The following TRHR variants were observed in gnomAD, a reference collection of about 807,000 sequenced individuals.
TRHR encodes the protein thyrotropin-releasing hormone receptor.
In TRHR, 14 loss-of-function variants were observed where a neutral mutation model predicts 28.0. The ratio of observed to expected loss-of-function variants is 0.50; its 90% CI spans 0.33 to 0.78. The LOEUF is 0.78. TRHR is among the 30% of genes least tolerant of loss of function. The pLI is 0.02. For synonymous variants in TRHR, 176 were observed against 171.9 expected (o/e 1.02, Z -0.18); for missense variants, 438 against 469.5 (o/e 0.93, Z 0.62).
At chr8:109,088,594 C>T (rs1294496917) in intron 2 of TRHR, among the ~76,000 whole-genome samples, 1 of 152,066 alleles carries the variant, frequency 6.6e-6, no homozygotes, top group Non-Finnish European at 1.5e-5. Context: ...ATGTTTATGC[C>T]TCTCTGGAAA....
At chr8:109,107,606 G>T (rs1260921751) in intron 2 of TRHR, among the ~76,000 whole-genome samples, 1 of 152,188 alleles carries the variant, frequency 6.6e-6, no homozygotes, top group Non-Finnish European at 1.5e-5. Context: ...AGCATGGTTT[G>T]TAGGCTCAAA....
At chr8:109,115,103 G>A (rs925573172) in intron 2 of TRHR, among the ~76,000 whole-genome samples, 6 of 151,940 alleles carry the variant, frequency 3.9e-5, no homozygotes, top group South Asian at 2.1e-4. Flanking sequence ...CACCCTATAC[G>A]CTACTCTGAT....
In TRHR at chr8:109,087,889, C is replaced by T. The variant is rs1811462063; in HGVS notation, c.377C>T (p.Ala126Val). ...ITAFTIERYI[A>V]ICHPIKAQFL... ...GCCTTTACCATTGAGAGGTACATAG[C>T]AATCTGTCACCCCATCAAAGCCCAG... Residue 126 changes from alanine (A) to valine (V), a missense_variant, in exon 2 of 3, where the codon GCA becomes GTA. Physicochemically the swap from Ala to Val is moderately conservative, Grantham distance 64. Coordinates refer to ENST00000518632, the MANE Select transcript of TRHR (RefSeq NM_003301.7). The T allele has an allele frequency of 6.2e-7, 1 of 1,614,214 alleles. No homozygotes were observed. The highest frequency in any genetic ancestry group is 2.2e-5 in the East Asian group (1 of 44,890).
intron 2 of TRHR, among the ~76,000 whole-genome samples, chr8:109,098,247 A>G (rs1340680753): frequency 4.0e-5 from 6 of 151,616 alleles, no homozygotes; most frequent in African/African-American, 1.5e-4. Flanking sequence ...CTCCCATGTC[A>G]GTCTCCTGAA....
In TRHR at chr8:109,119,581, C is replaced by G. The variant is rs1811975680; in HGVS notation, c.*126C>G. 5 of 1,146,452 alleles carry G rather than the reference C, an allele frequency of 4.4e-6. No homozygotes were observed. In the South Asian group the frequency reaches 7.0e-5, roughly 16 times the overall value. 71.0% of individuals were successfully genotyped at this position (1,146,452 alleles called of 1,614,324 possible). ...AGATCAGTCTTTGTCAATGCTCTAA[C>G]AAATTCTGGCCCTAGATACTTTAAC... On this transcript the variant is annotated 3_prime_UTR_variant, in exon 3 of 3. Coordinates refer to ENST00000518632, the MANE Select transcript of TRHR (RefSeq NM_003301.7).
chr8:109,094,045 A>G (rs1811552475), intron 2 of TRHR, among the ~76,000 whole-genome samples: 1 of 152,066 alleles, frequency 6.6e-6, no homozygotes, highest in South Asian at 2.1e-4. Context: ...AAAATCTCAT[A>G]AATTGTAAAC....
At chr8:109,091,774 GTAAGA>G (rs1451279580) in intron 2 of TRHR, among the ~76,000 whole-genome samples, 2 of 152,110 alleles carry the variant, frequency 1.3e-5, no homozygotes, top group Non-Finnish European at 2.9e-5. Context: ...GGTAAATTCC[GTAAGA>G]TAAATTACCC....
chr8:109,117,061 GAC>G (rs1386621229), intron 2 of TRHR, among the ~76,000 whole-genome samples: 1 of 151,978 alleles, frequency 6.6e-6, no homozygotes, highest in Non-Finnish European at 1.5e-5. Context: ...CATTTTACCT[GAC>G]AGTTGTAGGG....
chr8:109,098,673 G>T (rs1162713130), intron 2 of TRHR, among the ~76,000 whole-genome samples: 1 of 151,988 alleles, frequency 6.6e-6, no homozygotes, highest in Non-Finnish European at 1.5e-5. Flanking sequence ...CCTCATACAG[G>T]CAATTTCTGT....
chr8:109,103,416 T>C (rs1273718967), intron 2 of TRHR, among the ~76,000 whole-genome samples: 1 of 152,194 alleles, frequency 6.6e-6, no homozygotes, highest in Admixed American at 6.6e-5. Flanking sequence ...GCTACTGCCT[T>C]GACCTCAAAG....
rs530110720 is a variant in TRHR at position 109,112,680 on chromosome 8, A to C, written c.790-6368A>C. ...TCTGGCAACAATATTATGTCTTTCA[A>C]ATAGTTCATAAGCAATATTTACAGT... On this transcript the variant is annotated intron_variant, in intron 2 of 2. Coordinates refer to ENST00000518632, the MANE Select transcript of TRHR (RefSeq NM_003301.7). Among the ~76,000 whole-genome samples the C allele has an allele frequency of 2.0e-5, 3 of 152,138 alleles. No individual in the cohort carries two copies. In the South Asian group the frequency reaches 6.2e-4, roughly 31 times the overall value.
At chr8:109,095,500 G>A (rs1303290878) in intron 2 of TRHR, among the ~76,000 whole-genome samples, 2 of 152,226 alleles carry the variant, frequency 1.3e-5, no homozygotes, top group Middle Eastern at 3.4e-3. Flanking sequence ...GAAGCGTCTA[G>A]AGAAGGAAGT....
intron 2 of TRHR, among the ~76,000 whole-genome samples, chr8:109,115,451 G>A (rs1374318787): frequency 6.6e-6 from 1 of 152,174 alleles, no homozygotes; most frequent in Non-Finnish European, 1.5e-5. Context: ...AGCATGCAAT[G>A]TTCTTCCATT....
chr8:109,109,679 T>C (rs574230649), intron 2 of TRHR, among the ~76,000 whole-genome samples: 2 of 152,274 alleles, frequency 1.3e-5, no homozygotes, highest in South Asian at 4.1e-4. Context: ...AAAGCAAGGC[T>C]CACTATCACT....
At chr8:109,095,232 A>T (rs1350314481) in intron 2 of TRHR, among the ~76,000 whole-genome samples, 1 of 152,172 alleles carries the variant, frequency 6.6e-6, no homozygotes, top group East Asian at 1.9e-4. Context: ...GGCCATGTAC[A>T]CAAACAATTC....
At chr8:109,095,911 G>A (rs1047286079) in intron 2 of TRHR, among the ~76,000 whole-genome samples, 3 of 151,018 alleles carry the variant, frequency 2.0e-5, no homozygotes, top group Admixed American at 6.6e-5. Context: ...TTCTCCACTC[G>A]CACCGCTGCT....
chr8:109,103,551 A>G (rs76919177), intron 2 of TRHR, among the ~76,000 whole-genome samples: 1 of 152,232 alleles, frequency 6.6e-6, no homozygotes, highest in Non-Finnish European at 1.5e-5. Context: ...CAAGAGTACT[A>G]AAGGCAAAAG....
chr8:109,111,888 A>G (rs985156793), intron 2 of TRHR, among the ~76,000 whole-genome samples: 6 of 152,254 alleles, frequency 3.9e-5, no homozygotes, highest in Admixed American at 2.6e-4. Flanking sequence ...TTATCTGCTT[A>G]TAATGCTCTT....
chr8:109,120,190 G>A lies in TRHR; in HGVS notation c.*735G>A, dbSNP rs566406019. On this transcript the variant is annotated 3_prime_UTR_variant, in exon 3 of 3. Coordinates refer to ENST00000518632, the MANE Select transcript of TRHR (RefSeq NM_003301.7). ...ACTCTTCCAGCCTCCCACATGATGG[G>A]TGGAAAAAGGCAAAAGCCCAGATTA... Among the ~76,000 whole-genome samples the A allele has an allele frequency of 5.3e-5, 8 of 151,854 alleles. No homozygotes were observed. In the South Asian group the frequency reaches 1.7e-3, roughly 32 times the overall value.
Sources: gnomAD v4.1 joint callset for allele counts (sites outside exome capture counted in the v4.1 genomes callset) on GRCh38, gnomAD v4.1.1 for gene constraint, MANE v1.5 for transcripts, NCBI Gene and HGNC (gene_info 2026-07-23, HGNC 2026-07-21) for gene names.